The following NHS variants were observed in gnomAD, a reference collection of about 807,000 sequenced individuals.
NHS encodes actin remodeling regulator NHS.
In NHS, 5 loss-of-function variants were observed where a neutral mutation model predicts 72.5. The ratio of observed to expected loss-of-function variants is 0.07; its 90% CI spans 0.04 to 0.14. The LOEUF is 0.14. Ranked by LOEUF, NHS falls within the 10% of genes least tolerant of loss-of-function variation. The pLI is 1.00. For missense variants in NHS, 1,072 were observed against 1,355.7 expected (o/e 0.79, Z 3.29); for synonymous variants, 464 against 547.7 (o/e 0.85, Z 2.13).
chrX:17,691,968 T>C (rs2147114903), intron 2 of NHS, among the ~76,000 whole-genome samples: 1 of 112,013 alleles, frequency 8.9e-6, no homozygotes, highest in South Asian at 3.8e-4. Flanking sequence ...AGCTCTGTTT[T>C]GTCTGTGCCT....
At chrX:17,458,016 T>C (rs1445155520) in intron 1 of NHS, among the ~76,000 whole-genome samples, 2 of 111,974 alleles carry the variant, frequency 1.8e-5, no homozygotes, top group East Asian at 5.6e-4. Context: ...GCCTCTACTA[T>C]GTGCCAGGTG....
At chrX:17,697,338 C>A (rs1424373129) in intron 3 of NHS, among the ~76,000 whole-genome samples, 1 of 111,856 alleles carries the variant, frequency 8.9e-6, no homozygotes, top group African/African-American at 3.2e-5. Flanking sequence ...CTTCAACAAA[C>A]TGACAGAAGA....
At chrX:17,533,242 C>T (rs769161346) in intron 1 of NHS, among the ~76,000 whole-genome samples, 10 of 111,925 alleles carry the variant, frequency 8.9e-5, no homozygotes, top group Admixed American at 5.6e-4. Context: ...TGCTTAAGTC[C>T]TTTACAGATT....
At chrX:17,655,412 G>C (rs2065948746) in intron 1 of NHS, among the ~76,000 whole-genome samples, 1 of 112,501 alleles carries the variant, frequency 8.9e-6, no homozygotes, top group Non-Finnish European at 1.9e-5. Context: ...TCCGGATCCG[G>C]GATCCTCCGC....
At chrX:17,479,793 C>T (rs1041351596) in intron 1 of NHS, among the ~76,000 whole-genome samples, 1 of 111,574 alleles carries the variant, frequency 9.0e-6, no homozygotes, top group East Asian at 2.8e-4. Flanking sequence ...TGGATGTTAG[C>T]CCTTTGTCAG....
chrX:17,602,009 A>T (rs1327259470), intron 1 of NHS, among the ~76,000 whole-genome samples: 1 of 112,079 alleles, frequency 8.9e-6, no homozygotes, highest in Non-Finnish European at 1.9e-5. Context: ...CTTGGCTTTA[A>T]CATATAAATG....
At chrX:17,688,042 A>G (rs1374290420) in intron 2 of NHS, 148 bp downstream of exon 2, 13 of 584,902 alleles carry the variant, frequency 2.2e-5, no homozygotes, top group Non-Finnish European at 3.5e-5. Context: ...AATGAAATCC[A>G]TGGGTAATAT....
chrX:17,405,082 G>A (rs2064523074), intron 1 of NHS, among the ~76,000 whole-genome samples: 3 of 111,724 alleles, frequency 2.7e-5, no homozygotes, highest in African/African-American at 9.8e-5. Flanking sequence ...ACTGTTATTC[G>A]GCAATTAGGC....
intron 1 of NHS, among the ~76,000 whole-genome samples, chrX:17,655,826 C>A (rs2065951428): frequency 8.8e-6 from 1 of 113,029 alleles, no homozygotes; most frequent in African/African-American, 3.2e-5. Flanking sequence ...GGGGCCGATG[C>A]CCCTGCTTTG....
At chrX:17,608,685 T>TGGG in intron 1 of NHS, among the ~76,000 whole-genome samples, 1 of 109,369 alleles carries the variant, frequency 9.1e-6, no homozygotes, top group African/African-American at 3.4e-5. Flanking sequence ...TTTTTTTTTT[T>TGGG]GGGGGGATAT....
chrX:17,521,366 C>CTTTTTTTTTTTTTTTTTTTTTTTTTTT (rs766662277), intron 1 of NHS, among the ~76,000 whole-genome samples: 10 of 97,344 alleles, frequency 1.0e-4, no homozygotes, highest in African/African-American at 3.9e-4. Flanking sequence ...TCCCTTCCCT[C>CTTTTTTTTTTTTTTTTTTTTTTTTTTT]TTTTTTTTTT....
At chrX:17,614,248 C>T (rs1420499126) in intron 1 of NHS, among the ~76,000 whole-genome samples, 1 of 112,518 alleles carries the variant, frequency 8.9e-6, no homozygotes, top group Non-Finnish European at 1.9e-5. Context: ...GACTTTGAAG[C>T]TCCTCACATG....
intron 1 of NHS, among the ~76,000 whole-genome samples, chrX:17,511,477 G>T (rs2065087492): frequency 9.0e-6 from 1 of 111,504 alleles, no homozygotes; most frequent in African/African-American, 3.3e-5. Flanking sequence ...ACCTTTGGAG[G>T]CTGGCAGTGG....
intron 1 of NHS, among the ~76,000 whole-genome samples, chrX:17,629,467 C>T (rs2065814922): frequency 9.0e-6 from 1 of 111,342 alleles, no homozygotes; most frequent in African/African-American, 3.3e-5. Flanking sequence ...GTATGGAGTA[C>T]TATGTAAACT....
rs760323182 is a variant in NHS at position 17,580,981 on chromosome X, G to A, written c.566-106761G>A. On this transcript the variant is annotated intron_variant, in intron 1 of 8. Coordinates refer to ENST00000676302, the MANE Select transcript of NHS (RefSeq NM_001291867.2). The stretch of plus-strand genomic sequence containing the variant: ...GTGAGGAAGTTGGAGAGTATGCCTC[G>A]TTCAAATTCCCCTGTAATTAAAAGT... Among the ~76,000 whole-genome samples the A allele has an allele frequency of 5.4e-5, 6 of 111,883 alleles. No homozygotes were observed. The East Asian group carries it at 8.5e-4, about 16-fold the overall frequency.
intron 1 of NHS, among the ~76,000 whole-genome samples, chrX:17,539,709 T>C (rs745315323): frequency 9.0e-6 from 1 of 111,322 alleles, no homozygotes; most frequent in African/African-American, 3.3e-5. Flanking sequence ...AGGTTCAAAA[T>C]CCAGCTCCTC....
At chrX:17,536,004 C>T (rs1458694156) in intron 1 of NHS, among the ~76,000 whole-genome samples, 1 of 112,294 alleles carries the variant, frequency 8.9e-6, no homozygotes, top group Non-Finnish European at 1.9e-5. Context: ...TGGCCAAGTT[C>T]CCCCTTCATT....
In NHS at chrX:17,644,517, C is replaced by T. The variant is rs778002912; in HGVS notation, c.566-43225C>T. Among the ~76,000 whole-genome samples, 3 of 111,365 alleles carry T rather than the reference C, an allele frequency of 2.7e-5. No homozygotes were observed. The South Asian group carries it at 1.2e-3, about 43-fold the overall frequency. On this transcript the variant is annotated intron_variant, in intron 1 of 8. Coordinates refer to ENST00000676302, the MANE Select transcript of NHS (RefSeq NM_001291867.2). The stretch of plus-strand genomic sequence containing the variant: ...ATTGCCCAGGGTGATTTAGATATCT[C>T]CCTTTCCATAGCCTATATGTAAAGG...
intron 3 of NHS, among the ~76,000 whole-genome samples, chrX:17,701,217 G>A (rs951538625): frequency 6.3e-5 from 7 of 111,636 alleles, no homozygotes; most frequent in African/African-American, 2.3e-4. Flanking sequence ...GCCTGAGGAC[G>A]TATTTCTCAG....
Sources: allele counts gnomAD v4.1 joint callset (sites outside exome capture counted in the v4.1 genomes callset), GRCh38; gene constraint gnomAD v4.1.1; transcripts MANE v1.5; gene names NCBI Gene and HGNC (gene_info 2026-07-23, HGNC 2026-07-21).